Variants in ZNF527 observed in about 807,000 individuals in gnomAD.
ZNF527 encodes the protein zinc finger protein 527.
ZNF527 carries 5 observed loss-of-function variants against 13.5 expected under a neutral mutation model. The ratio of observed to expected loss-of-function variants is 0.37; its 90% CI spans 0.19 to 0.78. ZNF527 has a LOEUF of 0.78. ZNF527 is among the 30% of genes least tolerant of loss of function. The probability of loss-of-function intolerance (pLI) is 0.48; values close to 1 mark genes in which losing one functional copy is unlikely to be tolerated. For synonymous variants in ZNF527, 209 were observed against 243.1 expected (o/e 0.86, Z 1.30); for missense variants, 628 against 726.4 (o/e 0.86, Z 1.56).
At chr19:37,372,158 C>T (rs995978823) in intron 1 of ZNF527, among the ~76,000 whole-genome samples, 5 of 151,994 alleles carry the variant, frequency 3.3e-5, no homozygotes, top group Non-Finnish European at 7.4e-5. Flanking sequence ...CACCACCACG[C>T]CCAGCTAGTT....
In ZNF527 at chr19:37,390,781, A is replaced by AT. The variant is rs1353660686; in HGVS notation, c.*903dup. The stretch of plus-strand genomic sequence containing the variant: ...TTCCTTTTTTTGCTTAATTTGGATT[A>AT]TATTTTTGCCTCATGGAATTAGAGT... On this transcript the variant is annotated 3_prime_UTR_variant, in exon 5 of 5. Coordinates refer to ENST00000436120, the MANE Select transcript of ZNF527 (RefSeq NM_032453.2). 1 of 152,112 alleles carries AT rather than the reference A, an allele frequency of 6.6e-6. No individual in the cohort carries two copies. The highest frequency in any genetic ancestry group is 2.4e-5 in the African/African-American group (1 of 41,414). 9.4% of individuals were successfully genotyped at this position (152,112 alleles called of 1,614,324 possible).
intron 4 of ZNF527, chr19:37,385,294 C>T (rs1046201042): frequency 2.3e-6 from 1 of 431,824 alleles, no homozygotes; most frequent in Non-Finnish European, 4.1e-6. Context: ...AAATTCATTC[C>T]TTTCAACCAG....
In ZNF527 at chr19:37,384,690, A is replaced by G. The variant is rs138153146; in HGVS notation, c.257-3616A>G. Among the ~76,000 whole-genome samples the G allele has an allele frequency of 6.1e-4, 93 of 152,242 alleles. No homozygotes were observed. The East Asian group carries it at 0.014, about 22-fold the overall frequency. ...ATATTCTTCAACTTAAGCTTTTGAT[A>G]TTGTCCTTAATATTGTCTAAGTGAA... is the stretch of plus-strand genomic sequence containing the variant. On this transcript the variant is annotated intron_variant, in intron 4 of 4. Coordinates refer to ENST00000436120, the MANE Select transcript of ZNF527 (RefSeq NM_032453.2).
At chr19:37,381,525 A>G (rs1162734965) in intron 4 of ZNF527, among the ~76,000 whole-genome samples, 1 of 152,224 alleles carries the variant, frequency 6.6e-6, no homozygotes, top group African/African-American at 2.4e-5. Context: ...ATTCCAAAGG[A>G]TGTATAATAT....
chr19:37,382,915 C>G (rs760247272), intron 4 of ZNF527, among the ~76,000 whole-genome samples: 10 of 152,080 alleles, frequency 6.6e-5, no homozygotes, highest in African/African-American at 2.4e-4. Flanking sequence ...CCATGTTGGC[C>G]AGGATGGTCT....
chr19:37,374,069 A>T, intron 1 of ZNF527, 89 bp from the exon 2 acceptor site: 2 of 848,666 alleles, frequency 2.4e-6, no homozygotes, highest in Non-Finnish European at 3.9e-6. Flanking sequence ...ATGTAGGGAG[A>T]AGAAAGGGGC....
intron 2 of ZNF527, among the ~76,000 whole-genome samples, chr19:37,374,906 G>T (rs954024222): frequency 1.3e-5 from 2 of 152,212 alleles, no homozygotes; most frequent in Non-Finnish European, 2.9e-5. Flanking sequence ...GACTCTTTTA[G>T]TAATCCAGAC....
chr19:37,389,128 G>A lies in ZNF527; in HGVS notation c.1079G>A (p.Cys360Tyr). 3 of 1,614,190 alleles carry A rather than the reference G, an allele frequency of 1.9e-6. No homozygotes were observed. Among genetic ancestry groups the A allele is most frequent in the Non-Finnish European group, 2.5e-6 (3 of 1,180,034 alleles). ...RIHTGEKPFA[C>Y]NECGKAFSRY... ...CACACTGGAGAGAAACCGTTTGCGT[G>A]CAATGAATGTGGGAAGGCCTTTAGC... Residue 360 changes from cysteine to tyrosine, a missense_variant, in exon 5 of 5, where the codon TGC becomes TAC. Physicochemically the swap from Cys to Tyr is radical, Grantham distance 194 (BLOSUM62 -2). Transcript: ENST00000436120.
At chr19:37,374,018 C>A in intron 1 of ZNF527, 140 bp from the exon 2 acceptor site, 1 of 498,578 alleles carries the variant, frequency 2.0e-6, no homozygotes, top group Non-Finnish European at 3.4e-6. Context: ...GGATTCCACC[C>A]CGCCACCCTG....
Position 37,379,208 on chromosome 19 carries a change from A to T in ZNF527, c.122A>T (p.Asp41Val), listed in dbSNP as rs749569406. ...CCATCTCAGAAGGATTTATACAGAG[A>T]TGTCATGTTGGAGAACTACAGGAAC... ...LKPSQKDLYR[D>V]VMLENYRNLV... is the part of the protein sequence containing the mutation. Residue 41 changes from aspartate to valine, a missense_variant, in exon 3 of 5, where the codon GAT becomes GTT. This residue lies in a region of ZNF527 where 3 missense variants were observed against 17.2 expected (regional missense o/e 0.17). Coordinates refer to ENST00000436120, the MANE Select transcript of ZNF527 (RefSeq NM_032453.2). 1 of 1,612,350 alleles carries T rather than the reference A, an allele frequency of 6.2e-7. No individual in the cohort carries two copies. The highest frequency in any genetic ancestry group is 8.5e-7 in the Non-Finnish European group (1 of 1,179,576).
Position 37,388,870 on chromosome 19 carries a change from A to G in ZNF527, c.821A>G (p.His274Arg), listed in dbSNP as rs965312023. The change falls in exon 5 of 5, where the codon CAT becomes CGT. Residue 274 changes from histidine (H) to arginine (R), a missense_variant. By Grantham distance (29) the His-to-Arg change is conservative. Coordinates refer to ENST00000436120, the MANE Select transcript of ZNF527 (RefSeq NM_032453.2). The part of the protein sequence containing the change: ...HQTTHFGKLP[H>R]GYDECGDAFS... ...ACCACTCATTTTGGAAAATTACCCC[A>G]TGGATACGATGAATGTGGTGATGCC... The G allele has an allele frequency of 1.2e-6, 2 of 1,614,188 alleles. No homozygotes were observed. Among genetic ancestry groups the G allele is most frequent in the Non-Finnish European group, 1.7e-6 (2 of 1,180,036 alleles).
intron 4 of ZNF527, chr19:37,384,882 G>C (rs1424253052): frequency 4.3e-6 from 3 of 698,612 alleles, no homozygotes; most frequent in Admixed American, 2.0e-5. Flanking sequence ...TCACTCTGTT[G>C]CCCAGGCTGG....
chr19:37,381,491 ATGT>A (rs761571886), intron 4 of ZNF527, among the ~76,000 whole-genome samples: 6 of 152,218 alleles, frequency 3.9e-5, no homozygotes, highest in Non-Finnish European at 5.9e-5. Flanking sequence ...CACAGAAATA[ATGT>A]TGTATCTCTC....
At chr19:37,372,996 A>T (rs138343142) in intron 1 of ZNF527, among the ~76,000 whole-genome samples, 1 of 152,312 alleles carries the variant, frequency 6.6e-6, no homozygotes, top group Admixed American at 6.5e-5. Context: ...CCATTCAGAC[A>T]TCGTGGCCTC....
intron 1 of ZNF527, among the ~76,000 whole-genome samples, chr19:37,373,319 C>T (rs1479921327): frequency 1.3e-5 from 2 of 152,130 alleles, no homozygotes; most frequent in East Asian, 1.9e-4. Context: ...TGTGAGATCA[C>T]GGGATTATGT....
At chr19:37,380,854 C>T (rs1290436459) in intron 4 of ZNF527, among the ~76,000 whole-genome samples, 1 of 152,252 alleles carries the variant, frequency 6.6e-6, no homozygotes, top group East Asian at 1.9e-4. Flanking sequence ...GAGCGATCCA[C>T]TTTCTTTTCT....
chr19:37,384,283 A>G lies in ZNF527; in HGVS notation c.256+3911A>G, dbSNP rs535551555. On this transcript the variant is annotated intron_variant, in intron 4 of 4. Transcript: ENST00000436120. Reference sequence around the variant, plus strand: ...CAGTGAGCTGGGATCGCGCCACGGCACTTCAGCTTGGGCGACAGAGCAAGA... The same window carrying G: ...CAGTGAGCTGGGATCGCGCCACGGCGCTTCAGCTTGGGCGACAGAGCAAGA... Among the ~76,000 whole-genome samples, 33 of 152,290 alleles carry G rather than the reference A, an allele frequency of 2.2e-4. No individual in the cohort carries two copies. In the South Asian group the frequency reaches 2.7e-3, roughly 12 times the overall value.
intron 4 of ZNF527, among the ~76,000 whole-genome samples, chr19:37,382,619 AT>A (rs1416158001): frequency 6.6e-6 from 1 of 152,180 alleles, no homozygotes; most frequent in Non-Finnish European, 1.5e-5. Context: ...AGATTTAGGT[AT>A]TTGTATATAG....
At chr19:37,372,471 T>TTC (rs1568690285) in intron 1 of ZNF527, among the ~76,000 whole-genome samples, 1 of 131,212 alleles carries the variant, frequency 7.6e-6, no homozygotes, top group Non-Finnish European at 1.6e-5. Context: ...TCTTTTCTTT[T>TTC]TTTTTTTTTT....
Sources: allele counts gnomAD v4.1 joint callset (sites outside exome capture counted in the v4.1 genomes callset), GRCh38; gene constraint gnomAD v4.1.1; regional missense constraint gnomAD v4.1.1; transcripts MANE v1.5; gene names NCBI Gene and HGNC (gene_info 2026-07-23, HGNC 2026-07-21).